MYO1E: variants seen among roughly 807,000 people sequenced by gnomAD.
The protein encoded by MYO1E is unconventional myosin-Ie.
A neutral mutation model predicts 151.1 loss-of-function variants in MYO1E; 68 were observed. The observed-to-expected ratio is 0.45, with a 90% confidence interval of 0.37 to 0.55. The LOEUF (loss-of-function observed/expected upper bound fraction) is 0.55, where lower values mean the gene tolerates loss of function less well. MYO1E is among the 20% of genes least tolerant of loss of function. The pLI, the probability that MYO1E is intolerant of heterozygous loss-of-function variation, is 0.00. For missense variants in MYO1E, 1,363 were observed against 1,389.3 expected (o/e 0.98, Z 0.30); for synonymous variants, 601 against 501.7 (o/e 1.20, Z -2.64).
At chr15:59,202,499 C>T in intron 15 of MYO1E, 92 bp from the exon 16 acceptor site, 1 of 1,144,886 alleles carries the variant, frequency 8.7e-7, no homozygotes. Flanking sequence ...AAGGGCCGTC[C>T]CCAGGCACAT....
intron 1 of MYO1E, among the ~76,000 whole-genome samples, chr15:59,349,882 T>C (rs1485049957): frequency 6.6e-6 from 1 of 152,208 alleles, no homozygotes; most frequent in Non-Finnish European, 1.5e-5. Context: ...AATGATATCA[T>C]TTCCCTAAAA....
At chr15:59,254,973 G>A (rs2080185794) in intron 4 of MYO1E, among the ~76,000 whole-genome samples, 1 of 151,992 alleles carries the variant, frequency 6.6e-6, no homozygotes, top group Non-Finnish European at 1.5e-5. Flanking sequence ...CTACAGGCAT[G>A]TACCACCACA....
chr15:59,220,686 T>C (rs1174279897), intron 9 of MYO1E, among the ~76,000 whole-genome samples: 1 of 152,054 alleles, frequency 6.6e-6, no homozygotes, highest in Middle Eastern at 3.2e-3. Flanking sequence ...ACCAAGGCTA[T>C]TCCTTTCAGT....
intron 26 of MYO1E, among the ~76,000 whole-genome samples, chr15:59,149,898 A>G (rs1274684202): frequency 2.0e-5 from 3 of 152,218 alleles, no homozygotes; most frequent in Admixed American, 6.5e-5. Flanking sequence ...TGGGATCCTA[A>G]AATTCCCTGC....
chr15:59,336,918 T>C (rs11857648), intron 1 of MYO1E, among the ~76,000 whole-genome samples: 1 of 152,046 alleles, frequency 6.6e-6, no homozygotes, highest in Non-Finnish European at 1.5e-5. Context: ...GCAAAGGACA[T>C]GAACTCATCC....
rs2079808045 is a variant in MYO1E, at chr15:59,202,426, A to G, written c.1617-19T>C. 5.0e-6 allele frequency: 8 copies of G among 1,607,422 alleles called. No homozygotes were observed. The highest frequency in any genetic ancestry group is 6.8e-6 in the Non-Finnish European group (8 of 1,173,980). The stretch of plus-strand genomic sequence containing the variant: ...GAAAGGCCTGGAAAAGGAGAAAGAG[A>G]ATGAATTAACAATCTGTAAGTACCT... On this transcript the variant is annotated intron_variant, in intron 15 of 27. Coordinates refer to ENST00000288235, the MANE Select transcript of MYO1E (RefSeq NM_004998.4).
intron 1 of MYO1E, among the ~76,000 whole-genome samples, chr15:59,335,922 C>CAA (rs1377017209): frequency 4.3e-4 from 65 of 151,916 alleles, no homozygotes; most frequent in African/African-American, 1.5e-3. Flanking sequence ...GATGCCTTTC[C>CAA]AATGAGAACC....
rs1015953670 is a variant in MYO1E at position 59,268,730 on chromosome 15, T to C, written c.147+3576A>G. Among the ~76,000 whole-genome samples the C allele has an allele frequency of 1.0e-4, 14 of 134,480 alleles. 2 individuals are homozygous for C. Among genetic ancestry groups the C allele is most frequent in the African/African-American group, 3.7e-4 (14 of 37,944 alleles). 88.2% of individuals were successfully genotyped at this position (134,480 alleles called of 152,430 possible). A position where few individuals can be genotyped will look rare whatever the true frequency, so the allele number is the denominator to read the frequency against. ...CTGGGTGACTTTGGTATTTTTTTTT[T>C]TTTTTTTTTTTGCTTCACTGCATGG... On this transcript the variant is annotated intron_variant, in intron 2 of 27. Transcript: ENST00000288235.
intron 1 of MYO1E, among the ~76,000 whole-genome samples, chr15:59,301,603 A>G (rs1471235103): frequency 6.6e-6 from 1 of 152,234 alleles, no homozygotes; most frequent in Non-Finnish European, 1.5e-5. Context: ...TGAGAGGAAT[A>G]AAGTCAGTCA....
At chr15:59,156,292 C>A (rs1288775674) in intron 25 of MYO1E, among the ~76,000 whole-genome samples, 1 of 152,230 alleles carries the variant, frequency 6.6e-6, no homozygotes, top group Non-Finnish European at 1.5e-5. Context: ...TCAAGCAATT[C>A]TCGTGCCTCA....
chr15:59,353,389 G>GAAAAA (rs2080835633), intron 1 of MYO1E, among the ~76,000 whole-genome samples: 1 of 140,386 alleles, frequency 7.1e-6, no homozygotes, highest in African/African-American at 2.6e-5. Context: ...GAAAAGAAAA[G>GAAAAA]AAAAGAAAAA....
chr15:59,295,690 G>C (rs912977787), intron 1 of MYO1E, among the ~76,000 whole-genome samples: 3 of 152,096 alleles, frequency 2.0e-5, no homozygotes, highest in Non-Finnish European at 4.4e-5. Flanking sequence ...AAACAACTCT[G>C]CCAGGAGGGC....
At chr15:59,191,424 C>A (rs899366828) in intron 17 of MYO1E, among the ~76,000 whole-genome samples, 1 of 150,012 alleles carries the variant, frequency 6.7e-6, no homozygotes, top group African/African-American at 2.5e-5. Context: ...ATTAATTTTC[C>A]TTTCTCTCAC....
chr15:59,206,957 C>G, intron 14 of MYO1E: 1 of 1,613,682 alleles, frequency 6.2e-7, no homozygotes, highest in South Asian at 1.1e-5. Context: ...TGGACTGTGC[C>G]TGTTGTGCGG....
At position 59,350,619 on chromosome 15, in the gene MYO1E, G is replaced by GA. The variant is rs1461224990; in HGVS notation, c.3+21878dup. Among the ~76,000 whole-genome samples, 1 of 152,170 alleles carries GA rather than the reference G, an allele frequency of 6.6e-6. No homozygotes were observed. Among genetic ancestry groups the GA allele is most frequent in the Non-Finnish European group, 1.5e-5 (1 of 68,028 alleles). On this transcript the variant is annotated intron_variant, in intron 1 of 27. Coordinates refer to ENST00000288235, the MANE Select transcript of MYO1E (RefSeq NM_004998.4). This position sits in a 1 kb window ranked among gnomAD's most constrained non-coding sequence, Gnocchi z 5.0. ...ACCAGGGAATGTCGAGAGTGTACAG[G>GA]AATGTGGGAAGGCCAAAGGGAAAGA... is the stretch of plus-strand genomic sequence containing the variant.
At chr15:59,365,469 T>C (rs2080907792) in intron 1 of MYO1E, among the ~76,000 whole-genome samples, 1 of 152,150 alleles carries the variant, frequency 6.6e-6, no homozygotes, top group African/African-American at 2.4e-5. Context: ...AAAAACCTTA[T>C]TAGACTGGGA....
chr15:59,322,927 C>T (rs1400425685), intron 1 of MYO1E, among the ~76,000 whole-genome samples: 2 of 150,746 alleles, frequency 1.3e-5, no homozygotes, highest in African/African-American at 2.4e-5. Context: ...TTTGGGAGGA[C>T]GAGGTGGGCG....
At chr15:59,210,192 C>T (rs2079870133) in intron 13 of MYO1E, among the ~76,000 whole-genome samples, 1 of 152,044 alleles carries the variant, frequency 6.6e-6, no homozygotes, top group Non-Finnish European at 1.5e-5. Context: ...AGGCTAAAGT[C>T]CTAGAAGTTG....
chr15:59,239,315 C>G (rs998491799), intron 4 of MYO1E, among the ~76,000 whole-genome samples: 1 of 150,914 alleles, frequency 6.6e-6, no homozygotes, highest in African/African-American at 2.4e-5. Flanking sequence ...CAATAATCAC[C>G]ACTGATCAAT....
Sources: allele counts gnomAD v4.1 joint callset (sites outside exome capture counted in the v4.1 genomes callset), GRCh38; gene constraint gnomAD v4.1.1; non-coding constraint Gnocchi (gnomAD v3.1); transcripts MANE v1.5; gene names NCBI Gene and HGNC (gene_info 2026-07-23, HGNC 2026-07-21).